ALPL: variants seen among roughly 807,000 people sequenced by gnomAD.
The protein encoded by ALPL is alkaline phosphatase, biomineralization associated.
A neutral mutation model predicts 51.3 loss-of-function variants in ALPL; 42 were observed. The observed-to-expected ratio is 0.82, with a 90% confidence interval of 0.64 to 1.06. The LOEUF is 1.06. Ranked by LOEUF, ALPL falls within the 50% of genes least tolerant of loss-of-function variation. The pLI, the probability that ALPL is intolerant of heterozygous loss-of-function variation, is 0.00. For synonymous variants in ALPL, 279 were observed against 296.4 expected (o/e 0.94, Z 0.60); for missense variants, 589 against 709.4 (o/e 0.83, Z 1.93).
intron 9 of ALPL, chr1:21,574,497 A>T (rs1204973386): frequency 6.5e-6 from 1 of 154,186 alleles, no homozygotes; most frequent in African/African-American, 2.4e-5. Flanking sequence ...TGCCCACCGC[A>T]GTTCCTCATG....
At position 21,577,605 on chromosome 1, in the gene ALPL, T is replaced by C. The variant is rs1318828676; in HGVS notation, c.1532T>C (p.Leu511Pro). The C allele has an allele frequency of 2.5e-6, 4 of 1,600,468 alleles. No individual in the cohort carries two copies. The highest frequency in any genetic ancestry group is 3.4e-6 in the Non-Finnish European group (4 of 1,179,614). Residue 511 changes from leucine to proline, a missense_variant, in exon 12 of 12, where the codon CTG (leucine) becomes CCG (proline). Physicochemically the swap from Leu to Pro is moderately conservative, Grantham distance 98. Coordinates refer to ENST00000374840, the MANE Select transcript of ALPL (RefSeq NM_000478.6). Reference sequence around the variant, plus strand: ...GCAGGCAGCCTTGCTGCAGGCCCCCTGCTGCTCGCGCTGGCCCTCTACCCC... The same window carrying C: ...GCAGGCAGCCTTGCTGCAGGCCCCCCGCTGCTCGCGCTGGCCCTCTACCCC... ...SSAGSLAAGP[L>P]LLALALYPLS...
At chr1:21,534,157 G>A (rs1012076237) in intron 1 of ALPL, among the ~76,000 whole-genome samples, 1 of 152,098 alleles carries the variant, frequency 6.6e-6, no homozygotes, top group Non-Finnish European at 1.5e-5. Context: ...GCTAATTTTT[G>A]TAGAGACAGG....
rs1291065999 is a variant in ALPL at position 21,529,056 on chromosome 1, C to T, written c.-105+19539C>T. Among the ~76,000 whole-genome samples, 14 of 138,434 alleles carry T rather than the reference C, an allele frequency of 1.0e-4. No individual in the cohort carries two copies. In the East Asian group the frequency reaches 1.3e-3, roughly 13 times the overall value. 90.8% of individuals were successfully genotyped at this position (138,434 alleles called of 152,430 possible). On this transcript the variant is annotated intron_variant, in intron 1 of 11. Transcript: ENST00000374840. ...TGCACTCCAGCCTGGGTGACAAGAG[C>T]GAGACTCCATCTCAAAAAAAAAAAA...
chr1:21,562,044 A>G (rs564582428), intron 4 of ALPL, among the ~76,000 whole-genome samples: 3 of 152,296 alleles, frequency 2.0e-5, no homozygotes, highest in South Asian at 4.1e-4. Context: ...GACTATAGGC[A>G]TACCTCAGCT....
At chr1:21,538,428 C>G (rs1644138561) in intron 1 of ALPL, among the ~76,000 whole-genome samples, 1 of 152,242 alleles carries the variant, frequency 6.6e-6, no homozygotes, top group Non-Finnish European at 1.5e-5. Flanking sequence ...CCCAGCTGCC[C>G]TGAGCACTGT....
chr1:21,516,417 G>A (rs1456111863), intron 1 of ALPL, among the ~76,000 whole-genome samples: 1 of 141,110 alleles, frequency 7.1e-6, no homozygotes, highest in Admixed American at 7.4e-5. Flanking sequence ...CTAACTAAAA[G>A]TCCATAGACT....
chr1:21,548,590 C>T (rs551385664), intron 1 of ALPL, among the ~76,000 whole-genome samples: 2 of 152,302 alleles, frequency 1.3e-5, no homozygotes, highest in African/African-American at 4.8e-5. Context: ...GCTGGATGAG[C>T]CTTTCAGTGC....
In ALPL at chr1:21,573,828, G is replaced by T. The variant is rs763848926; in HGVS notation, c.997+29G>T. 15 of 1,613,852 alleles carry T rather than the reference G, an allele frequency of 9.3e-6. No individual in the cohort carries two copies. In the African/African-American group the frequency reaches 1.7e-4, roughly 19 times the overall value. On this transcript the variant is annotated intron_variant, in intron 9 of 11. Transcript: ENST00000374840. ...GGGACCCCGGGTCTGCTGAGAGGGG[G>T]CTGCTGGAAACACGGCCCTGGTGTC...
In ALPL at chr1:21,564,216, C is replaced by T. The variant is rs201739155; in HGVS notation, c.648C>T (p.Asp216=). 4.6e-5 allele frequency: 74 copies of T among 1,613,400 alleles called. No homozygotes were observed. Among genetic ancestry groups the T allele is most frequent in the Admixed American group, 6.7e-5 (4 of 59,996 alleles). The part of the protein sequence containing the change: ...YQLMHNIRDI[D]VIMGGGRKYM... ...TCATGCATAACATCAGGGACATTGACGTGAGTGCTCGGGGGCAGCCGGGCA... is the reference window on the plus strand; with the variant it reads ...TCATGCATAACATCAGGGACATTGATGTGAGTGCTCGGGGGCAGCCGGGCA... Residue 216 remains aspartate (D), a splice_region_variant and synonymous_variant, in exon 6 of 12, where the codon GAC becomes GAT. Coordinates refer to ENST00000374840, the MANE Select transcript of ALPL (RefSeq NM_000478.6). This position sits in a 1 kb window ranked among gnomAD's most constrained non-coding sequence, Gnocchi z 5.8.
rs529801718 is a variant in ALPL at position 21,577,866 on chromosome 1, G to A, written c.*218G>A. 114 of 638,220 alleles carry A rather than the reference G, an allele frequency of 1.8e-4. No individual in the cohort carries two copies. The highest frequency in any genetic ancestry group is 1.5e-3 in the East Asian group (56 of 36,378). 39.5% of individuals were successfully genotyped at this position (638,220 alleles called of 1,614,324 possible). ...GGCCTCCAGCCTTTGCTCCCTCCCCGCTGCCCTTTGGCCAACAGGGTAGAT... is the reference window on the plus strand; with the variant it reads ...GGCCTCCAGCCTTTGCTCCCTCCCCACTGCCCTTTGGCCAACAGGGTAGAT... On this transcript the variant is annotated 3_prime_UTR_variant, in exon 12 of 12. Transcript: ENST00000374840.
chr1:21,518,889 G>A (rs1371155282), intron 1 of ALPL, among the ~76,000 whole-genome samples: 2 of 152,068 alleles, frequency 1.3e-5, no homozygotes, highest in African/African-American at 2.4e-5. Context: ...AAACCGACCC[G>A]CCCACAAACT....
chr1:21,516,628 A>G (rs1643806150), intron 1 of ALPL, among the ~76,000 whole-genome samples: 1 of 152,182 alleles, frequency 6.6e-6, no homozygotes, highest in South Asian at 2.1e-4. Context: ...ATTCAAGGCT[A>G]CTGCTTTCTC....
In ALPL at chr1:21,577,575, G is replaced by A; in HGVS notation, c.1502G>A (p.Ser501Asn). ...GANLGHCAPASSAGSLAAGPL... is the reference protein window; with the variant it reads ...GANLGHCAPANSAGSLAAGPL... ...AACCTCGGCCACTGTGCTCCTGCCA[G>A]CTCGGCAGGCAGCCTTGCTGCAGGC... Residue 501 changes from serine to asparagine, a missense_variant, in exon 12 of 12, where the codon AGC becomes AAC. By Grantham distance (46) the Ser-to-Asn change is conservative. Transcript: ENST00000374840. 1 of 1,603,232 alleles carries A rather than the reference G, an allele frequency of 6.2e-7. No individual in the cohort carries two copies. Among genetic ancestry groups the A allele is most frequent in the Non-Finnish European group, 8.5e-7 (1 of 1,179,788 alleles).
chr1:21,559,707 A>T (rs553306044), intron 2 of ALPL, among the ~76,000 whole-genome samples: 14 of 152,238 alleles, frequency 9.2e-5, no homozygotes, highest in Non-Finnish European at 1.8e-4. Flanking sequence ...TTCAGTAGAG[A>T]CGGGATATCA....
At chr1:21,515,420 G>A (rs989506333) in intron 1 of ALPL, among the ~76,000 whole-genome samples, 5 of 152,092 alleles carry the variant, frequency 3.3e-5, no homozygotes, top group East Asian at 1.9e-4. Flanking sequence ...ACTGAGTATC[G>A]CTCTGTTCCC....
intron 2 of ALPL, among the ~76,000 whole-genome samples, chr1:21,555,352 C>T (rs959577027): frequency 2.6e-5 from 4 of 152,116 alleles, no homozygotes; most frequent in African/African-American, 7.2e-5. Context: ...TACTTCAGGC[C>T]GTCTGGATGT....
At chr1:21,576,051 G>T (rs964559115) in intron 10 of ALPL, 127 bp downstream of exon 10, 15 of 1,183,832 alleles carry the variant, frequency 1.3e-5, no homozygotes, top group Non-Finnish European at 1.9e-5. Context: ...GGGTGGGGAG[G>T]AAGAGTTACT....
Position 21,572,412 on chromosome 1 carries a change from C to T in ALPL, c.863-1253C>T, listed in dbSNP as rs552054112. On this transcript the variant is annotated intron_variant, in intron 8 of 11. Coordinates refer to ENST00000374840, the MANE Select transcript of ALPL (RefSeq NM_000478.6). ...GTCCTCATTACATGGTGGCTGGCTT[C>T]CCACAGAGATCCAAGAGTATATAAA... 4.7e-4 allele frequency among the ~76,000 whole-genome samples: 71 copies of T among 152,100 alleles called. 2 individuals carry two copies. The South Asian group carries it at 0.014, about 30-fold the overall frequency.
chr1:21,576,036 C>G, intron 10 of ALPL, 112 bp downstream of exon 10: 1 of 1,301,896 alleles, frequency 7.7e-7, no homozygotes, highest in South Asian at 1.2e-5. Flanking sequence ...GACTCAATGA[C>G]AACTGGGTGG....
Sources: allele counts gnomAD v4.1 joint callset (sites outside exome capture counted in the v4.1 genomes callset), GRCh38; gene constraint gnomAD v4.1.1; non-coding constraint Gnocchi (gnomAD v3.1); transcripts MANE v1.5; gene names NCBI Gene and HGNC (gene_info 2026-07-23, HGNC 2026-07-21).